SLC15A5: variants seen among roughly 807,000 people sequenced by gnomAD.
SLC15A5 encodes solute carrier family 15 member 5, also known as Peptide/histidine transporter ENSP00000340402.
Under a neutral mutation model 56.1 loss-of-function variants are expected in SLC15A5, and 58 were observed. That is an observed-to-expected ratio of 1.03 (90% confidence interval 0.84 to 1.29). The LOEUF (loss-of-function observed/expected upper bound fraction) is 1.29. Among genes scored for constraint, SLC15A5 ranks in the 50% most tolerant of loss-of-function variants. The pLI, the probability that SLC15A5 is intolerant of heterozygous loss-of-function variation, is 0.00. For synonymous variants in SLC15A5, 264 were observed against 250.5 expected (o/e 1.05, Z -0.51); for missense variants, 681 against 672.1 (o/e 1.01, Z -0.15).
At chr12:16,213,787 C>G (rs931166571) in intron 7 of SLC15A5, among the ~76,000 whole-genome samples, 1 of 152,152 alleles carries the variant, frequency 6.6e-6, no homozygotes, top group Non-Finnish European at 1.5e-5. Context: ...CACCCCACAA[C>G]CCATCTTGCT....
chr12:16,274,238 A>G (rs1864792107), intron 1 of SLC15A5, among the ~76,000 whole-genome samples: 1 of 152,044 alleles, frequency 6.6e-6, no homozygotes. Context: ...GCTTCTTAAT[A>G]CCACTGGCAA....
At chr12:16,205,054 T>G (rs992548497) in intron 7 of SLC15A5, among the ~76,000 whole-genome samples, 1 of 152,074 alleles carries the variant, frequency 6.6e-6, no homozygotes, top group Non-Finnish European at 1.5e-5. Flanking sequence ...ACAATATTCT[T>G]AAAGTATCAT....
At position 16,269,925 on chromosome 12, in the gene SLC15A5, A is replaced by G. The variant is rs185898955; in HGVS notation, c.584+2636T>C. On this transcript the variant is annotated intron_variant, in intron 2 of 8. Coordinates refer to ENST00000344941, the MANE Select transcript of SLC15A5 (RefSeq NM_001170798.1). This position sits in a 1 kb window ranked among gnomAD's most constrained non-coding sequence, Gnocchi z 4.7. ...TTTTTGCTTCCAGAAAAGAATCTGCACAGGTGTATTTACCTAGGTGATCTC... is the reference window on the plus strand; with the variant it reads ...TTTTTGCTTCCAGAAAAGAATCTGCGCAGGTGTATTTACCTAGGTGATCTC... Among the ~76,000 whole-genome samples, 1 of 152,340 alleles carries G rather than the reference A, an allele frequency of 6.6e-6. No homozygotes were observed. Among genetic ancestry groups the G allele is most frequent in the Admixed American group, 6.5e-5 (1 of 15,292 alleles).
chr12:16,222,531 C>T (rs957008155), intron 6 of SLC15A5, among the ~76,000 whole-genome samples: 1 of 152,018 alleles, frequency 6.6e-6, no homozygotes, highest in Non-Finnish European at 1.5e-5. Flanking sequence ...TAAATGAGTT[C>T]CCAAATTTAT....
At chr12:16,254,084 A>C (rs1205319497) in intron 3 of SLC15A5, among the ~76,000 whole-genome samples, 1 of 152,086 alleles carries the variant, frequency 6.6e-6, no homozygotes, top group African/African-American at 2.4e-5. Flanking sequence ...ATATACATAA[A>C]ATGGAATGTT....
intron 5 of SLC15A5, among the ~76,000 whole-genome samples, chr12:16,233,810 C>T (rs577213863): frequency 5.9e-5 from 9 of 152,184 alleles, no homozygotes; most frequent in Non-Finnish European, 8.8e-5. Context: ...TCCGGAACTA[C>T]TGACTCAGAA....
chr12:16,212,937 A>G (rs1864097404), intron 7 of SLC15A5, among the ~76,000 whole-genome samples: 1 of 152,126 alleles, frequency 6.6e-6, no homozygotes, highest in Non-Finnish European at 1.5e-5. Context: ...GCTGAAAGCA[A>G]CTCCTGAAAA....
intron 3 of SLC15A5, among the ~76,000 whole-genome samples, chr12:16,247,286 G>C (rs1864471207): frequency 6.6e-6 from 1 of 152,178 alleles, no homozygotes; most frequent in South Asian, 2.1e-4. Flanking sequence ...GAAGAAATGA[G>C]AACATATGAA....
rs530859498 is a variant in SLC15A5, at chr12:16,196,240, A to G, written c.1484-1787T>C. Among the ~76,000 whole-genome samples, 5 of 152,208 alleles carry G rather than the reference A, an allele frequency of 3.3e-5. No individual in the cohort carries two copies. The South Asian group carries it at 1.0e-3, about 32-fold the overall frequency. On this transcript the variant is annotated intron_variant, in intron 7 of 8. Transcript: ENST00000344941. This position sits in a 1 kb window ranked among gnomAD's most constrained non-coding sequence, Gnocchi z 4.0. ...ATTTTATTTGGGTTCTATTATAATG[A>G]AAATTTATGGTTTTATTGCTACAGT... is the stretch of plus-strand genomic sequence containing the variant.
intron 8 of SLC15A5, among the ~76,000 whole-genome samples, chr12:16,193,932 T>A (rs887163264): frequency 1.4e-5 from 2 of 140,798 alleles, no homozygotes; most frequent in Non-Finnish European, 3.2e-5. Flanking sequence ...TAGTTTTTTT[T>A]AAATTGACCT....
rs73322951 is a variant in SLC15A5, at chr12:16,244,300, C to T, written c.975+280G>A. Among the ~76,000 whole-genome samples, 1,237 of 152,278 alleles carry T rather than the reference C, an allele frequency of 8.1e-3. 18 individuals carry two copies. Among genetic ancestry groups the T allele is most frequent in the African/African-American group, 0.026 (1,081 of 41,546 alleles). ...CTGATATGTTCGTGCACTGCTCTTA[C>T]GCCTTACGACTATGCATTCTGAAGT... On this transcript the variant is annotated intron_variant, in intron 4 of 8. Coordinates refer to ENST00000344941, the MANE Select transcript of SLC15A5 (RefSeq NM_001170798.1).
intron 7 of SLC15A5, among the ~76,000 whole-genome samples, chr12:16,200,836 A>G (rs1863947997): frequency 1.3e-5 from 2 of 152,148 alleles, no homozygotes; most frequent in South Asian, 2.1e-4. Flanking sequence ...AGACAAAAAA[A>G]TTAGGAAATG....
intron 2 of SLC15A5, among the ~76,000 whole-genome samples, chr12:16,263,743 A>G (rs1263279021): frequency 1.3e-5 from 2 of 152,166 alleles, no homozygotes; most frequent in African/African-American, 4.8e-5. Flanking sequence ...TGCTCCAGCC[A>G]TAACTAAAAG....
At chr12:16,210,193 T>C (rs947731178) in intron 7 of SLC15A5, among the ~76,000 whole-genome samples, 10 of 152,190 alleles carry the variant, frequency 6.6e-5, no homozygotes, top group Non-Finnish European at 1.5e-4. Flanking sequence ...ATTGCACTCA[T>C]CTTTCTAGTT....
intron 7 of SLC15A5, among the ~76,000 whole-genome samples, chr12:16,210,047 T>A (rs1290293409): frequency 6.6e-6 from 1 of 152,156 alleles, no homozygotes; most frequent in Non-Finnish European, 1.5e-5. Context: ...TTCATGCCAT[T>A]TCCTCCTTTT....
At chr12:16,204,116 T>A (rs1028912804) in intron 7 of SLC15A5, among the ~76,000 whole-genome samples, 1 of 152,138 alleles carries the variant, frequency 6.6e-6, no homozygotes, top group South Asian at 2.1e-4. Flanking sequence ...AAACTTCAGT[T>A]TTTCTAAAAT....
At chr12:16,200,417 T>C (rs1363010900) in intron 7 of SLC15A5, among the ~76,000 whole-genome samples, 2 of 151,820 alleles carry the variant, frequency 1.3e-5, no homozygotes, top group African/African-American at 4.8e-5. Context: ...TTGGAAAAAA[T>C]GATATATACG....
intron 7 of SLC15A5, among the ~76,000 whole-genome samples, chr12:16,214,162 A>G (rs567300546): frequency 6.6e-6 from 1 of 152,358 alleles, no homozygotes; most frequent in Non-Finnish European, 1.5e-5. Flanking sequence ...GTTGTAATAA[A>G]TGCAATAATG....
intron 7 of SLC15A5, 26 bp from the exon 8 acceptor site, chr12:16,194,479 T>C (rs1863875605): frequency 1.4e-6 from 2 of 1,406,836 alleles, no homozygotes; most frequent in African/African-American, 2.8e-5. Context: ...GTAATTGTTA[T>C]TCAACTGCAG....
Sources: gnomAD v4.1 joint callset for allele counts (sites outside exome capture counted in the v4.1 genomes callset) on GRCh38, gnomAD v4.1.1 for gene constraint, Gnocchi (gnomAD v3.1) non-coding constraint, MANE v1.5 for transcripts, NCBI Gene and HGNC (gene_info 2026-07-23, HGNC 2026-07-21) for gene names.